RALGAPA2: variants seen among roughly 807,000 people sequenced by gnomAD.
RALGAPA2 encodes ral GTPase-activating protein subunit alpha-2.
A neutral mutation model predicts 230.4 loss-of-function variants in RALGAPA2; 139 were observed. The ratio of observed to expected loss-of-function variants is 0.60; its 90% confidence interval spans 0.53 to 0.69. The LOEUF is 0.69. RALGAPA2 is among the 30% of genes least tolerant of loss of function. The pLI, the probability that RALGAPA2 is intolerant of heterozygous loss-of-function variation, is 0.00. For missense variants in RALGAPA2, 2,163 were observed against 2,276.0 expected (o/e 0.95, Z 1.01); for synonymous variants, 847 against 837.8 (o/e 1.01, Z -0.19).
chr20:20,610,582 C>G (rs976159734), intron 14 of RALGAPA2, among the ~76,000 whole-genome samples: 1 of 152,182 alleles, frequency 6.6e-6, no homozygotes, highest in African/African-American at 2.4e-5. Flanking sequence ...GGTGAGCAAA[C>G]ATACTTTAGT....
chr20:20,527,172 T>C (rs1352855542), intron 27 of RALGAPA2, among the ~76,000 whole-genome samples: 1 of 152,176 alleles, frequency 6.6e-6, no homozygotes, highest in Non-Finnish European at 1.5e-5. Context: ...CTGACCCTAG[T>C]CTAGGGACAC....
intron 10 of RALGAPA2, 48 bp from the exon 11 acceptor site, chr20:20,620,678 C>T (rs1280780461): frequency 6.9e-7 from 1 of 1,459,174 alleles, no homozygotes; most frequent in Admixed American, 2.4e-5. Context: ...ACACTCAGAT[C>T]AGTATAGGGC....
intron 5 of RALGAPA2, among the ~76,000 whole-genome samples, chr20:20,642,569 A>T (rs1361614322): frequency 6.6e-6 from 1 of 152,304 alleles, no homozygotes; most frequent in East Asian, 1.9e-4. Context: ...GTTTCTATGA[A>T]ATTCTACCAC....
intron 5 of RALGAPA2, among the ~76,000 whole-genome samples, chr20:20,641,105 A>G (rs1438894373): frequency 6.6e-6 from 1 of 152,166 alleles, no homozygotes; most frequent in African/African-American, 2.4e-5. Flanking sequence ...AAGCGCTGCC[A>G]CTTTCTAGCT....
Position 20,712,447 on chromosome 20 carries a change from T to TC in RALGAPA2, c.33dup (p.Lys12GlufsTer26). On this transcript the variant is annotated frameshift_variant, in exon 1 of 40. Coordinates refer to ENST00000202677, the MANE Select transcript of RALGAPA2 (RefSeq NM_020343.4). LOFTEE classifies it high-confidence loss of function. This position sits in a 1 kb window ranked among gnomAD's most constrained non-coding sequence, Gnocchi z 5.5. Reference sequence around the variant, plus strand: ...GGGTCCAGCACCTTCTGGGTGGACTTCTTCACATCCCCGTGGCTCCTTCGG... The same window carrying TC: ...GGGTCCAGCACCTTCTGGGTGGACTTCCTTCACATCCCCGTGGCTCCTTCGG... The TC allele has an allele frequency of 3.2e-6, 5 of 1,554,702 alleles. No individual in the cohort carries two copies. The highest frequency in any genetic ancestry group is 4.4e-6 in the Non-Finnish European group (5 of 1,148,674).
intron 38 of RALGAPA2, among the ~76,000 whole-genome samples, chr20:20,404,967 G>A (rs1384040676): frequency 1.3e-5 from 2 of 152,202 alleles, no homozygotes. Flanking sequence ...GAGTGTCACT[G>A]TCCCCGCAGT....
intron 37 of RALGAPA2, among the ~76,000 whole-genome samples, chr20:20,449,585 T>C (rs761864703): frequency 3.3e-5 from 5 of 152,240 alleles, no homozygotes; most frequent in Non-Finnish European, 7.3e-5. Context: ...TATTTTTCAA[T>C]CATACTTTCC....
chr20:20,573,411 G>C (rs1426054838), intron 20 of RALGAPA2, among the ~76,000 whole-genome samples: 1 of 152,180 alleles, frequency 6.6e-6, no homozygotes, highest in Non-Finnish European at 1.5e-5. Context: ...CCTCAATGCT[G>C]GAGTAACATC....
intron 39 of RALGAPA2, among the ~76,000 whole-genome samples, 179 bp from the exon 40 acceptor site, chr20:20,393,432 C>T (rs1488059058): frequency 6.6e-6 from 1 of 151,694 alleles, no homozygotes; most frequent in Non-Finnish European, 1.5e-5. Context: ...ACATGAATGT[C>T]TTTCTTCTTA....
At chr20:20,425,201 C>T (rs953547247) in intron 37 of RALGAPA2, among the ~76,000 whole-genome samples, 12 of 152,136 alleles carry the variant, frequency 7.9e-5, no homozygotes, top group Admixed American at 1.3e-4. Flanking sequence ...TTATCCATTC[C>T]TTTGAGACAT....
intron 16 of RALGAPA2, chr20:20,598,965 G>A (rs2065549434): frequency 3.1e-6 from 1 of 324,936 alleles, no homozygotes; most frequent in Admixed American, 4.2e-5. Context: ...ACAAAGTATA[G>A]TATTTAATTG....
At chr20:20,421,224 T>C (rs1194496964) in intron 37 of RALGAPA2, among the ~76,000 whole-genome samples, 1 of 152,080 alleles carries the variant, frequency 6.6e-6, no homozygotes, top group Non-Finnish European at 1.5e-5. Flanking sequence ...CCACAAGTCA[T>C]TAGGGAAATG....
chr20:20,631,565 T>G (rs1942609713), intron 9 of RALGAPA2, among the ~76,000 whole-genome samples: 1 of 152,186 alleles, frequency 6.6e-6, no homozygotes, highest in South Asian at 2.1e-4. Flanking sequence ...AGCCAAGGAA[T>G]ACAGGTGGCT....
At position 20,643,844 on chromosome 20, in the gene RALGAPA2, C is replaced by T. The variant is rs553235971; in HGVS notation, c.329-295G>A. On this transcript the variant is annotated intron_variant, in intron 4 of 39. Transcript: ENST00000202677. ...TCTCTTGTCATGCATAAAATGGATG[C>T]TTTTTTTTTTAATCTCTAAAGGTAA... Among the ~76,000 whole-genome samples the T allele has an allele frequency of 2.0e-5, 3 of 147,698 alleles. No homozygotes were observed. In the South Asian group the frequency reaches 6.5e-4, roughly 32 times the overall value.
At chr20:20,595,443 C>T (rs2065422368) in intron 16 of RALGAPA2, among the ~76,000 whole-genome samples, 1 of 152,156 alleles carries the variant, frequency 6.6e-6, no homozygotes, top group Admixed American at 6.5e-5. Context: ...GTAAATCAGA[C>T]CAGGTCCTGA....
At chr20:20,664,138 C>A (rs908857167) in intron 3 of RALGAPA2, among the ~76,000 whole-genome samples, 5 of 152,156 alleles carry the variant, frequency 3.3e-5, no homozygotes, top group African/African-American at 1.2e-4. Flanking sequence ...CTTTAATTTT[C>A]CATTTAATGT....
intron 16 of RALGAPA2, among the ~76,000 whole-genome samples, chr20:20,600,916 A>G (rs2207505): frequency 4.6e-5 from 7 of 152,194 alleles, no homozygotes; most frequent in Non-Finnish European, 1.0e-4. Context: ...CCTGACCAAC[A>G]TGGTGAAACC....
intron 16 of RALGAPA2, among the ~76,000 whole-genome samples, chr20:20,601,289 C>CAAAAA (rs1309845324): frequency 2.6e-5 from 4 of 152,174 alleles, no homozygotes; most frequent in Non-Finnish European, 5.9e-5. Context: ...CTATCCAGTC[C>CAAAAA]TGAAATTCTC....
chr20:20,686,675 T>C (rs1331536787), intron 1 of RALGAPA2, among the ~76,000 whole-genome samples: 1 of 152,226 alleles, frequency 6.6e-6, no homozygotes, highest in Non-Finnish European at 1.5e-5. Context: ...ACTTTGCTCC[T>C]GGCAAAGGTC....
Sources: allele counts gnomAD v4.1 joint callset (sites outside exome capture counted in the v4.1 genomes callset), GRCh38; gene constraint gnomAD v4.1.1; non-coding constraint Gnocchi (gnomAD v3.1); transcripts MANE v1.5; gene names NCBI Gene and HGNC (gene_info 2026-07-23, HGNC 2026-07-21).